The following SYNPO2 variants were observed in gnomAD, a reference collection of about 807,000 sequenced individuals.
The protein encoded by SYNPO2 is synaptopodin 2, also known as synaptopodin-2.
Under a neutral mutation model 85.0 loss-of-function variants are expected in SYNPO2, and 56 were observed. That is an observed-to-expected ratio of 0.66 (90% CI 0.53 to 0.82). SYNPO2 has a LOEUF of 0.82. Among genes scored for constraint, SYNPO2 ranks in the 40% least tolerant of loss-of-function variants. SYNPO2 has a pLI of 0.00. For missense variants in SYNPO2, 1,575 were observed against 1,534.2 expected (o/e 1.03, Z -0.44); for synonymous variants, 602 against 591.1 (o/e 1.02, Z -0.27).
In SYNPO2 at chr4:118,945,642, C is replaced by G. The variant is rs116338020; in HGVS notation, c.105+56501C>G. On this transcript the variant is annotated intron_variant, in intron 1 of 4. Coordinates refer to ENST00000307142, the MANE Select transcript of SYNPO2 (RefSeq NM_133477.3). ...ATAACACAACATACCTACCTCAAAA[C>G]TAGGGTACTATATACATGTAGTCAA... Among the ~76,000 whole-genome samples the G allele has an allele frequency of 4.7e-3, 720 of 152,282 alleles. 2 individuals carry two copies. The highest frequency in any genetic ancestry group is 0.017 in the African/African-American group (686 of 41,564).
chr4:118,853,356 C>CAT (rs1731452399), intron 1 of SYNPO2, among the ~76,000 whole-genome samples: 1 of 152,132 alleles, frequency 6.6e-6, no homozygotes, highest in South Asian at 2.1e-4. Context: ...TTATTCTCTT[C>CAT]ATATACCATC....
intron 4 of SYNPO2, among the ~76,000 whole-genome samples, chr4:119,053,083 A>G (rs929209375): frequency 7.2e-5 from 11 of 152,174 alleles, no homozygotes; most frequent in African/African-American, 2.7e-4. Flanking sequence ...TCCAAAACAA[A>G]AGAAACACCT....
chr4:119,025,437 G>A (rs1015294200), intron 2 of SYNPO2, among the ~76,000 whole-genome samples: 1 of 152,096 alleles, frequency 6.6e-6, no homozygotes, highest in Non-Finnish European at 1.5e-5. Context: ...AATTACTTGC[G>A]TATAGAGAAA....
chr4:119,031,490 A>C lies in SYNPO2; in HGVS notation c.2715A>C (p.Pro905=). Residue 905 remains proline, a synonymous_variant, in exon 4 of 5, where the codon CCA becomes CCC. Coordinates refer to ENST00000307142, the MANE Select transcript of SYNPO2 (RefSeq NM_133477.3). ...CTGCTCGAGCTCAGTCTCCCACTCCATCTCTCCCGGCCAGTTGGAAGTACT... is the reference window on the plus strand; with the variant it reads ...CTGCTCGAGCTCAGTCTCCCACTCCCTCTCTCCCGGCCAGTTGGAAGTACT... The part of the protein sequence containing the change: ...AHAARAQSPT[P]SLPASWKYSS... The C allele has an allele frequency of 2.5e-6, 4 of 1,614,084 alleles. No individual in the cohort carries two copies. Among genetic ancestry groups the C allele is most frequent in the South Asian group, 1.1e-5 (1 of 91,080 alleles).
chr4:119,042,697 T>C (rs1306938256), intron 4 of SYNPO2: 1 of 151,918 alleles, frequency 6.6e-6, no homozygotes, highest in African/African-American at 2.4e-5. Context: ...TCTTGGCAAA[T>C]AGAGTAGTAT....
chr4:118,921,149 C>G (rs530866360), intron 1 of SYNPO2, among the ~76,000 whole-genome samples: 1 of 152,234 alleles, frequency 6.6e-6, no homozygotes, highest in South Asian at 2.1e-4. Flanking sequence ...TCAACAGATC[C>G]TCCCACCTTG....
At chr4:118,875,651 C>A (rs984226192) in intron 1 of SYNPO2, among the ~76,000 whole-genome samples, 3 of 152,152 alleles carry the variant, frequency 2.0e-5, no homozygotes, top group Non-Finnish European at 2.9e-5. Flanking sequence ...GAGATGAATC[C>A]TTCACTGACA....
At chr4:118,953,936 A>G (rs1037809779) in intron 1 of SYNPO2, among the ~76,000 whole-genome samples, 6 of 152,094 alleles carry the variant, frequency 3.9e-5, no homozygotes, top group Admixed American at 1.3e-4. Context: ...TTGGAGCAAA[A>G]TCTATGTCAT....
intron 1 of SYNPO2, among the ~76,000 whole-genome samples, chr4:118,986,721 A>G (rs1227919835): frequency 6.6e-6 from 1 of 152,158 alleles, no homozygotes; most frequent in Non-Finnish European, 1.5e-5. Flanking sequence ...TCTGAGAGGG[A>G]TTTTAGCTAA....
intron 1 of SYNPO2, among the ~76,000 whole-genome samples, chr4:118,996,640 G>A (rs1736606075): frequency 6.6e-6 from 1 of 152,004 alleles, no homozygotes; most frequent in Non-Finnish European, 1.5e-5. Context: ...GGTGGATCAT[G>A]AGGTCAGGAG....
intron 1 of SYNPO2, among the ~76,000 whole-genome samples, chr4:118,858,883 C>T (rs958147506): frequency 7.9e-5 from 12 of 152,206 alleles, no homozygotes; most frequent in Admixed American, 7.9e-4. Flanking sequence ...TACTCTTTCT[C>T]ATCCAACCTT....
Position 119,023,411 on chromosome 4 carries a change from C to T in SYNPO2, c.106-19C>T, listed in dbSNP as rs780573002. The T allele has an allele frequency of 1.3e-6, 2 of 1,590,252 alleles. No homozygotes were observed. Among genetic ancestry groups the T allele is most frequent in the Admixed American group, 1.8e-5 (1 of 54,942 alleles). On this transcript the variant is annotated intron_variant, in intron 1 of 4. Transcript: ENST00000307142. ...AAATTATATCATTCTACTATGTCTTCTTTTTTTACTCCACTCAGATTCGAA... is the reference window on the plus strand; with the variant it reads ...AAATTATATCATTCTACTATGTCTTTTTTTTTTACTCCACTCAGATTCGAA...
chr4:119,020,591 G>A (rs937929535), intron 1 of SYNPO2, among the ~76,000 whole-genome samples: 2 of 152,058 alleles, frequency 1.3e-5, no homozygotes, highest in Non-Finnish European at 2.9e-5. Flanking sequence ...GTCTTGGGGG[G>A]CACAGAGTAT....
intron 1 of SYNPO2, among the ~76,000 whole-genome samples, chr4:118,997,025 G>A (rs1239915883): frequency 6.6e-6 from 1 of 151,738 alleles, no homozygotes; most frequent in African/African-American, 2.4e-5. Context: ...CGGATCACGA[G>A]GTCAGGAGAT....
Position 119,030,011 on chromosome 4 carries a change from C to A in SYNPO2, c.1236C>A (p.Tyr412Ter). Residue 412 changes from tyrosine (Y) to a stop codon, truncating the protein, a stop_gained, in exon 4 of 5, where the codon TAC becomes TAA. Coordinates refer to ENST00000307142, the MANE Select transcript of SYNPO2 (RefSeq NM_133477.3). LOFTEE classifies it high-confidence loss of function. Reference protein sequence around the residue: ...RRARKYTLVSYGTGELEREAD... With the variant: ...RRARKYTLVS ...CCAGGAAATACACCCTAGTTAGCTA[C>A]GGTACTGGCGAGCTTGAGCGAGAGG... 1 of 1,614,000 alleles carries A rather than the reference C, an allele frequency of 6.2e-7. No individual in the cohort carries two copies.
intron 1 of SYNPO2, among the ~76,000 whole-genome samples, chr4:118,956,472 G>A (rs1734879742): frequency 6.6e-6 from 1 of 152,166 alleles, no homozygotes; most frequent in Admixed American, 6.5e-5. Flanking sequence ...ATATACATAA[G>A]TAGACTTAAC....
chr4:118,865,428 A>G (rs1249108570), intron 1 of SYNPO2, among the ~76,000 whole-genome samples: 1 of 152,252 alleles, frequency 6.6e-6, no homozygotes, highest in Admixed American at 6.5e-5. Flanking sequence ...GACACGTTTG[A>G]TAATTGAAAC....
At chr4:118,947,625 C>T (rs1734551347) in intron 1 of SYNPO2, among the ~76,000 whole-genome samples, 1 of 152,194 alleles carries the variant, frequency 6.6e-6, no homozygotes, top group African/African-American at 2.4e-5. Flanking sequence ...AAACCTAGCC[C>T]AGGAGAAGTA....
At chr4:119,012,045 T>G (rs1737325291) in intron 1 of SYNPO2, among the ~76,000 whole-genome samples, 1 of 151,504 alleles carries the variant, frequency 6.6e-6, no homozygotes, top group Non-Finnish European at 1.5e-5. Context: ...GCCTCAGCCT[T>G]CTGAGTAGCT....
Sources: allele counts gnomAD v4.1 joint callset (sites outside exome capture counted in the v4.1 genomes callset), GRCh38; gene constraint gnomAD v4.1.1; transcripts MANE v1.5; gene names NCBI Gene and HGNC (gene_info 2026-07-23, HGNC 2026-07-21).